KIF26B: variants seen among roughly 807,000 people sequenced by gnomAD.
The protein encoded by KIF26B is kinesin family member 26B.
KIF26B carries 63 observed loss-of-function variants against 151.2 expected under a neutral mutation model. The observed-to-expected ratio is 0.42, with a 90% CI of 0.34 to 0.51. KIF26B has a LOEUF of 0.51. Among genes scored for constraint, KIF26B ranks in the 20% least tolerant of loss-of-function variants. KIF26B has a pLI of 0.07. For synonymous variants in KIF26B, 1,357 were observed against 1,262.1 expected (o/e 1.08, Z -1.59); for missense variants, 2,813 against 2,913.6 (o/e 0.97, Z 0.79).
intron 4 of KIF26B, among the ~76,000 whole-genome samples, chr1:245,444,233 C>CCTGCGGTCATCTCCCTCACTG (rs1300535428): frequency 6.6e-6 from 1 of 152,202 alleles, no homozygotes; most frequent in Non-Finnish European, 1.5e-5. Context: ...CACTGTTCAC[C>CCTGCGGTCATCTCCCTCACTG]TAGGATGGTT....
intron 2 of KIF26B, among the ~76,000 whole-genome samples, chr1:245,245,024 C>G (rs952860275): frequency 6.6e-6 from 1 of 152,038 alleles, no homozygotes. Flanking sequence ...TTCGTTGTTT[C>G]TTTTCTGTCT....
At chr1:245,180,042 C>T (rs1242684771) in intron 2 of KIF26B, among the ~76,000 whole-genome samples, 1 of 152,212 alleles carries the variant, frequency 6.6e-6, no homozygotes, top group Non-Finnish European at 1.5e-5. Context: ...GTCTGTGTGC[C>T]TGGATAATCG....
chr1:245,262,751 G>T (rs548031004), intron 2 of KIF26B, among the ~76,000 whole-genome samples: 67 of 152,264 alleles, frequency 4.4e-4, no homozygotes, highest in African/African-American at 1.4e-3. Flanking sequence ...CACTGCGCCT[G>T]GCCAGGAATG....
intron 5 of KIF26B, among the ~76,000 whole-genome samples, chr1:245,593,919 C>T (rs184424597): frequency 1.1e-3 from 161 of 152,222 alleles, no homozygotes; most frequent in African/African-American, 3.8e-3. Flanking sequence ...TCCCTAATGA[C>T]CAGTGATGAT....
intron 2 of KIF26B, among the ~76,000 whole-genome samples, chr1:245,300,837 A>T (rs1671417304): frequency 7.0e-6 from 1 of 143,374 alleles, no homozygotes; most frequent in East Asian, 2.1e-4. Flanking sequence ...CCGAATTTTT[A>T]ATTTTTTTAT....
chr1:245,401,656 G>A (rs1399189515), intron 3 of KIF26B, among the ~76,000 whole-genome samples: 1 of 152,164 alleles, frequency 6.6e-6, no homozygotes, highest in Non-Finnish European at 1.5e-5. Flanking sequence ...ATTGCTTGAG[G>A]TCAGGAGTTC....
At chr1:245,679,644 T>C (rs2044406402) in intron 10 of KIF26B, among the ~76,000 whole-genome samples, 1 of 151,894 alleles carries the variant, frequency 6.6e-6, no homozygotes, top group African/African-American at 2.4e-5. Context: ...AATTTTTGTA[T>C]TTTTAGTAGA....
intron 2 of KIF26B, among the ~76,000 whole-genome samples, chr1:245,274,894 T>G (rs2102965172): frequency 6.6e-6 from 1 of 152,310 alleles, no homozygotes. Context: ...CTTGAGGAAT[T>G]GCCACACTGT....
intron 7 of KIF26B, 47 bp downstream of exon 7, chr1:245,607,791 C>T (rs551862529): frequency 8.5e-6 from 12 of 1,410,956 alleles, no homozygotes; most frequent in Non-Finnish European, 1.2e-5. Flanking sequence ...AGCTCCCTGT[C>T]ATCCCATGCA....
intron 4 of KIF26B, among the ~76,000 whole-genome samples, chr1:245,448,814 T>C (rs1659309192): frequency 1.3e-5 from 2 of 152,216 alleles, no homozygotes. Context: ...ATTTTAATAA[T>C]TTTAATAACT....
intron 3 of KIF26B, among the ~76,000 whole-genome samples, chr1:245,388,032 C>T (rs1398783933): frequency 1.3e-5 from 2 of 152,122 alleles, no homozygotes; most frequent in African/African-American, 4.8e-5. Flanking sequence ...GGAAAGTGAG[C>T]GGCAGAGTTG....
intron 2 of KIF26B, among the ~76,000 whole-genome samples, chr1:245,191,867 TAAATG>T (rs1006968876): frequency 6.6e-6 from 1 of 152,158 alleles, no homozygotes; most frequent in African/African-American, 2.4e-5. Context: ...AGTAATCAAA[TAAATG>T]CAAATCGAAA....
chr1:245,231,675 AAGGAGG>A (rs980674506), intron 2 of KIF26B, among the ~76,000 whole-genome samples: 1 of 152,016 alleles, frequency 6.6e-6, no homozygotes, highest in Non-Finnish European at 1.5e-5. Flanking sequence ...GATGAGGGAG[AAGGAGG>A]AGGAGGAGGA....
At chr1:245,701,197 G>A (rs1244908770) in intron 14 of KIF26B, among the ~76,000 whole-genome samples, 2 of 152,158 alleles carry the variant, frequency 1.3e-5, no homozygotes, top group Non-Finnish European at 2.9e-5. Context: ...CTACATGAAA[G>A]GGGAAATATA....
At chr1:245,246,093 A>G (rs1023440301) in intron 2 of KIF26B, among the ~76,000 whole-genome samples, 4 of 36,018 alleles carry the variant, frequency 1.1e-4, no homozygotes, top group African/African-American at 3.2e-4. Flanking sequence ...CTCCGTCTCA[A>G]AAAAGAAAAA....
intron 9 of KIF26B, among the ~76,000 whole-genome samples, chr1:245,616,422 G>A (rs576426844): frequency 1.3e-5 from 2 of 152,318 alleles, no homozygotes; most frequent in East Asian, 1.9e-4. Flanking sequence ...TCATAACGAC[G>A]CGTGTACTGG....
chr1:245,609,161 C>G (rs929230833), intron 7 of KIF26B, 105 bp from the exon 8 acceptor site: 29 of 1,079,766 alleles, frequency 2.7e-5, no homozygotes, highest in Non-Finnish European at 3.5e-5. Flanking sequence ...CCTTTTCCCC[C>G]CTTCCCTGTG....
At chr1:245,634,580 A>C (rs2043815557) in intron 9 of KIF26B, among the ~76,000 whole-genome samples, 1 of 152,234 alleles carries the variant, frequency 6.6e-6, no homozygotes, top group African/African-American at 2.4e-5. Context: ...CTACTGAAAC[A>C]ATCATATAGT....
At chr1:245,505,279 G>T in intron 4 of KIF26B, among the ~76,000 whole-genome samples, 1 of 151,602 alleles carries the variant, frequency 6.6e-6, no homozygotes, top group East Asian at 1.9e-4. Context: ...GTATACACAG[G>T]GCCTGACTAT....
Sources: allele counts gnomAD v4.1 joint callset (sites outside exome capture counted in the v4.1 genomes callset), GRCh38; gene constraint gnomAD v4.1.1; transcripts MANE v1.5; gene names NCBI Gene and HGNC (gene_info 2026-07-23, HGNC 2026-07-21).